The following DSCAM variants were observed in gnomAD, a reference collection of about 807,000 sequenced individuals.
DSCAM encodes the protein cell adhesion molecule DSCAM.
In DSCAM, 47 loss-of-function variants were observed where a neutral mutation model predicts 217.7. The ratio of observed to expected loss-of-function variants is 0.22; its 90% CI spans 0.17 to 0.28. The LOEUF (loss-of-function observed/expected upper bound fraction) is 0.28, where lower values mean the gene tolerates loss of function less well. DSCAM is among the 10% of genes least tolerant of loss of function. The probability of loss-of-function intolerance (pLI) is 1.00; values close to 1 mark genes in which losing one functional copy is unlikely to be tolerated. For synonymous variants in DSCAM, 1,056 were observed against 1,015.3 expected, an observed-to-expected ratio of 1.04 and a Z score of -0.76; for missense variants, 2,080 against 2,618.3, an observed-to-expected ratio of 0.79 and a Z score of 4.49.
chr21:40,557,163 T>C (rs948443621), intron 3 of DSCAM, among the ~76,000 whole-genome samples: 2 of 152,060 alleles, frequency 1.3e-5, no homozygotes, highest in Non-Finnish European at 2.9e-5. Flanking sequence ...CCAAAACCCA[T>C]ACTAAAATTT....
chr21:40,711,346 T>C (rs1343358032), intron 1 of DSCAM, among the ~76,000 whole-genome samples: 16 of 152,186 alleles, frequency 1.1e-4, no homozygotes, highest in Non-Finnish European at 1.5e-5. Flanking sequence ...TTAACTGACA[T>C]GATTTGGTAA....
chr21:40,410,910 G>A (rs893923921), intron 3 of DSCAM, among the ~76,000 whole-genome samples: 1 of 152,174 alleles, frequency 6.6e-6, no homozygotes, highest in Non-Finnish European at 1.5e-5. Flanking sequence ...TTCAACCGAT[G>A]TAAACAAGTG....
At chr21:40,381,116 C>T (rs1320116556) in intron 3 of DSCAM, among the ~76,000 whole-genome samples, 1 of 151,100 alleles carries the variant, frequency 6.6e-6, no homozygotes, top group Non-Finnish European at 1.5e-5. Context: ...TAGAACTCGC[C>T]TGAATGCCAG....
At chr21:40,398,653 T>TC (rs2075204450) in intron 3 of DSCAM, among the ~76,000 whole-genome samples, 1 of 149,346 alleles carries the variant, frequency 6.7e-6, no homozygotes, top group African/African-American at 2.5e-5. Context: ...TTTTTTTTTT[T>TC]GAGATGGAGT....
At chr21:40,317,866 G>GA (rs2074216664) in intron 8 of DSCAM, among the ~76,000 whole-genome samples, 1 of 151,788 alleles carries the variant, frequency 6.6e-6, no homozygotes, top group Admixed American at 6.6e-5. Context: ...ATGTTTTTTA[G>GA]AAAAAAACTT....
chr21:40,475,859 A>T (rs1336632085), intron 3 of DSCAM, among the ~76,000 whole-genome samples: 1 of 150,088 alleles, frequency 6.7e-6, no homozygotes, highest in Admixed American at 6.6e-5. Flanking sequence ...ATAAAATTTA[A>T]AAAAAAACAC....
At chr21:40,828,942 A>C (rs778044580) in intron 1 of DSCAM, among the ~76,000 whole-genome samples, 8 of 152,204 alleles carry the variant, frequency 5.3e-5, no homozygotes, top group Non-Finnish European at 7.3e-5. Context: ...ACAGGTGTGC[A>C]CACACGGCCA....
intron 14 of DSCAM, among the ~76,000 whole-genome samples, chr21:40,181,195 G>A (rs1288829067): frequency 6.7e-6 from 1 of 149,556 alleles, no homozygotes; most frequent in East Asian, 2.0e-4. Flanking sequence ...CTTTTTTATT[G>A]GGTCAATGGT....
intron 3 of DSCAM, among the ~76,000 whole-genome samples, chr21:40,424,099 A>G (rs1213574804): frequency 2.6e-5 from 4 of 152,222 alleles, no homozygotes; most frequent in Non-Finnish European, 2.9e-5. Flanking sequence ...GCAAACATCA[A>G]TACCAAGATT....
At chr21:40,593,960 G>A (rs1212554727) in intron 3 of DSCAM, among the ~76,000 whole-genome samples, 2 of 152,204 alleles carry the variant, frequency 1.3e-5, no homozygotes, top group Non-Finnish European at 2.9e-5. Context: ...AGGTTAAATA[G>A]CATATTTTGT....
At chr21:40,794,565 CTT>C (rs888128247) in intron 1 of DSCAM, among the ~76,000 whole-genome samples, 2 of 150,648 alleles carry the variant, frequency 1.3e-5, no homozygotes, top group Admixed American at 6.6e-5. Flanking sequence ...AAAAGTACCT[CTT>C]AGTAAAGTGA....
At chr21:40,514,777 T>C (rs182080608) in intron 3 of DSCAM, among the ~76,000 whole-genome samples, 124 of 152,336 alleles carry the variant, frequency 8.1e-4, no homozygotes, top group African/African-American at 2.8e-3. Context: ...TAAACATTCA[T>C]AATTATTAAA....
chr21:40,760,484 T>C (rs2091322165), intron 1 of DSCAM, among the ~76,000 whole-genome samples: 1 of 152,212 alleles, frequency 6.6e-6, no homozygotes. Flanking sequence ...TGACCTGCCT[T>C]ACCCTAGAGA....
intron 14 of DSCAM, among the ~76,000 whole-genome samples, chr21:40,181,317 T>C (rs1485671591): frequency 2.0e-5 from 3 of 152,108 alleles, no homozygotes; most frequent in Non-Finnish European, 4.4e-5. Flanking sequence ...TGTGGGCACA[T>C]TGGAAACACC....
chr21:40,724,450 T>C (rs910763113), intron 1 of DSCAM, among the ~76,000 whole-genome samples: 1 of 152,128 alleles, frequency 6.6e-6, no homozygotes, highest in African/African-American at 2.4e-5. Context: ...ACAATAATGT[T>C]AACAGAATTG....
chr21:40,233,915 G>C (rs2091403782), intron 11 of DSCAM, among the ~76,000 whole-genome samples: 1 of 152,092 alleles, frequency 6.6e-6, no homozygotes. Flanking sequence ...GACAGCCTCA[G>C]GTAAGGTCTG....
chr21:40,437,876 A>G (rs2075597691), intron 3 of DSCAM, among the ~76,000 whole-genome samples: 2 of 152,220 alleles, frequency 1.3e-5, no homozygotes, highest in African/African-American at 4.8e-5. Context: ...AAAAAGAAGA[A>G]GAGCCAGAAC....
intron 20 of DSCAM, among the ~76,000 whole-genome samples, chr21:40,114,706 C>T (rs2089945688): frequency 6.6e-6 from 1 of 152,116 alleles, no homozygotes; most frequent in South Asian, 2.1e-4. Flanking sequence ...TGAACTCAAA[C>T]AAATTTACAA....
chr21:40,555,141 C>G (rs1288997139), intron 3 of DSCAM, among the ~76,000 whole-genome samples: 1 of 152,210 alleles, frequency 6.6e-6, no homozygotes, highest in African/African-American at 2.4e-5. Context: ...TTCCTATCCT[C>G]ACTTTCCAGA....
Sources: allele counts gnomAD v4.1 joint callset (sites outside exome capture counted in the v4.1 genomes callset), GRCh38; gene constraint gnomAD v4.1.1; transcripts MANE v1.5; gene names NCBI Gene and HGNC (gene_info 2026-07-23, HGNC 2026-07-21).